Variants in SGCZ observed in about 807,000 individuals in gnomAD.
SGCZ encodes the protein zeta-sarcoglycan.
In SGCZ, 40 loss-of-function variants were observed where a neutral mutation model predicts 41.3. The observed-to-expected ratio is 0.97, with a 90% CI of 0.75 to 1.26. The LOEUF is 1.26. SGCZ is among the 50% of genes most tolerant of loss of function. The pLI, the probability that SGCZ is intolerant of heterozygous loss-of-function variation, is 0.00. For synonymous variants in SGCZ, 206 were observed against 137.5 expected (o/e 1.50, Z -3.49); for missense variants, 552 against 369.8 (o/e 1.49, Z -4.04).
At chr8:14,698,921 A>G (rs1809049253) in intron 1 of SGCZ, among the ~76,000 whole-genome samples, 1 of 151,934 alleles carries the variant, frequency 6.6e-6, no homozygotes, top group South Asian at 2.1e-4. Context: ...AAACTTTGAA[A>G]GAGTGGATTC....
intron 1 of SGCZ, among the ~76,000 whole-genome samples, chr8:14,952,622 T>C (rs567397726): frequency 6.6e-6 from 1 of 152,292 alleles, no homozygotes; most frequent in African/African-American, 2.4e-5. Context: ...AGTAGAACTA[T>C]GGCCAGGATG....
At chr8:14,391,276 C>G (rs759229514) in intron 2 of SGCZ, among the ~76,000 whole-genome samples, 5 of 152,064 alleles carry the variant, frequency 3.3e-5, no homozygotes, top group Non-Finnish European at 5.9e-5. Context: ...ACAGTTAAAA[C>G]TTCTTTAACT....
chr8:14,328,067 C>A (rs958407136), intron 2 of SGCZ, among the ~76,000 whole-genome samples: 1 of 151,996 alleles, frequency 6.6e-6, no homozygotes, highest in Admixed American at 6.6e-5. Context: ...TTTTTCCTGT[C>A]TTGTATGAAA....
At chr8:14,873,145 C>G (rs908616008) in intron 1 of SGCZ, among the ~76,000 whole-genome samples, 47 of 151,908 alleles carry the variant, frequency 3.1e-4, no homozygotes, top group African/African-American at 1.1e-3. Context: ...GAGATGCTTC[C>G]CAGTGGTGAA....
At chr8:15,036,105 A>T (rs1214693965) in intron 1 of SGCZ, among the ~76,000 whole-genome samples, 1 of 152,054 alleles carries the variant, frequency 6.6e-6, no homozygotes, top group Non-Finnish European at 1.5e-5. Context: ...CTAATTCAGA[A>T]AAAAGAGAAA....
At chr8:14,612,354 G>T (rs2136729) in intron 1 of SGCZ, among the ~76,000 whole-genome samples, 131,879 of 152,146 alleles carry the variant, frequency 0.87, 57,235 homozygotes, top group East Asian at 0.88. Context: ...CTCATTCTCC[G>T]GCTCCCTTAT....
At chr8:14,169,908 G>C (rs1266937933) in intron 4 of SGCZ, among the ~76,000 whole-genome samples, 1 of 152,126 alleles carries the variant, frequency 6.6e-6, no homozygotes, top group East Asian at 1.9e-4. Flanking sequence ...CTGAAAGGCA[G>C]AGACCAGCAT....
chr8:15,092,725 C>T (rs1377510942), intron 1 of SGCZ, among the ~76,000 whole-genome samples: 1 of 152,112 alleles, frequency 6.6e-6, no homozygotes, highest in Non-Finnish European at 1.5e-5. Flanking sequence ...AAATATTTCA[C>T]AATCTTATTT....
chr8:14,381,097 A>G (rs113630370), intron 2 of SGCZ, among the ~76,000 whole-genome samples: 9 of 152,192 alleles, frequency 5.9e-5, no homozygotes, highest in African/African-American at 1.4e-4. Context: ...AGTAGTAAAA[A>G]AAAAATACCT....
At chr8:14,437,026 G>C (rs577491680) in intron 2 of SGCZ, among the ~76,000 whole-genome samples, 2 of 152,118 alleles carry the variant, frequency 1.3e-5, no homozygotes, top group African/African-American at 2.4e-5. Context: ...ACCAGGAGCG[G>C]GTTAGACTCC....
chr8:14,953,675 A>T (rs554470007), intron 1 of SGCZ, among the ~76,000 whole-genome samples: 1 of 152,280 alleles, frequency 6.6e-6, no homozygotes, highest in South Asian at 2.1e-4. Flanking sequence ...AAGTCACTTT[A>T]CTATACTGGG....
At chr8:15,121,929 A>T (rs979928676) in intron 1 of SGCZ, among the ~76,000 whole-genome samples, 1 of 151,398 alleles carries the variant, frequency 6.6e-6, no homozygotes, top group Non-Finnish European at 1.5e-5. Context: ...AGATATGCAG[A>T]CATTTTGGAG....
chr8:14,364,253 CTTATT>C (rs1259081432), intron 2 of SGCZ, among the ~76,000 whole-genome samples: 2 of 152,092 alleles, frequency 1.3e-5, no homozygotes, highest in East Asian at 1.9e-4. Context: ...AAATCTCTAC[CTTATT>C]TTATTTCTAT....
chr8:14,380,980 T>A (rs1271478677), intron 2 of SGCZ, among the ~76,000 whole-genome samples: 1 of 152,228 alleles, frequency 6.6e-6, no homozygotes, highest in Non-Finnish European at 1.5e-5. Flanking sequence ...GTATTCCTAA[T>A]CGTTCTTAGC....
At chr8:14,285,070 G>C (rs532615290) in intron 3 of SGCZ, among the ~76,000 whole-genome samples, 1 of 151,836 alleles carries the variant, frequency 6.6e-6, no homozygotes, top group Non-Finnish European at 1.5e-5. Flanking sequence ...TTCTTTTAAG[G>C]GTTGATTTTT....
At position 14,090,527 on chromosome 8, in the gene SGCZ, G is replaced by C. The variant is rs752154789; in HGVS notation, c.855C>G (p.Val285=). Residue 285 remains valine (V), a synonymous_variant, in exon 8 of 8, where the codon GTC becomes GTG. Coordinates refer to ENST00000382080, the MANE Select transcript of SGCZ (RefSeq NM_139167.4). The part of the protein sequence containing the change: ...SSRQTVYELC[V]CPNGKLYLSP... ...AAAGGTAAAGTTTGCCATTGGGGCA[G>C]ACGCAGAGTTCATACACTGTCTGTC... 2 of 1,612,992 alleles carry C rather than the reference G, an allele frequency of 1.2e-6. No individual in the cohort carries two copies. The highest frequency in any genetic ancestry group is 2.7e-5 in the African/African-American group (2 of 74,866).
chr8:14,492,905 C>T (rs1427050506), intron 2 of SGCZ, among the ~76,000 whole-genome samples: 1 of 152,066 alleles, frequency 6.6e-6, no homozygotes, highest in Non-Finnish European at 1.5e-5. Flanking sequence ...TTCCAATCAC[C>T]AAGTCTTTTC....
At chr8:14,259,718 G>C (rs537573412) in intron 3 of SGCZ, among the ~76,000 whole-genome samples, 393 of 149,248 alleles carry the variant, frequency 2.6e-3, no homozygotes, top group African/African-American at 8.9e-3. Flanking sequence ...CTGTAGCCTT[G>C]TAGTATAGTT....
intron 5 of SGCZ, among the ~76,000 whole-genome samples, chr8:14,112,706 G>A (rs990016636): frequency 1.3e-5 from 2 of 151,730 alleles, no homozygotes; most frequent in East Asian, 3.9e-4. Context: ...AAGCCCTTTG[G>A]TTTTTATTTG....
Sources: allele counts gnomAD v4.1 joint callset (sites outside exome capture counted in the v4.1 genomes callset), GRCh38; gene constraint gnomAD v4.1.1; transcripts MANE v1.5; gene names NCBI Gene and HGNC (gene_info 2026-07-23, HGNC 2026-07-21).